The following RBFOX1 variants were observed in gnomAD, a reference collection of about 807,000 sequenced individuals.
RBFOX1 encodes the protein RNA binding protein fox-1 homolog 1.
Under a neutral mutation model 57.7 loss-of-function variants are expected in RBFOX1, and 8 were observed. The observed-to-expected ratio is 0.14, with a 90% confidence interval of 0.08 to 0.25. RBFOX1 has a LOEUF of 0.25. Among genes scored for constraint, RBFOX1 ranks in the 10% least tolerant of loss-of-function variants. RBFOX1 has a pLI of 1.00. For missense variants in RBFOX1, 611 were observed against 548.5 expected (o/e 1.11, Z -1.14); for synonymous variants, 326 against 222.4 (o/e 1.47, Z -4.15).
chr16:5,284,756 A>AATTTTT (rs1303967371), intron 1 of RBFOX1, among the ~76,000 whole-genome samples: 1 of 61,032 alleles, frequency 1.6e-5, no homozygotes, highest in Non-Finnish European at 3.0e-5. Flanking sequence ...TTTGGCTTAG[A>AATTTTT]TTTTTTTTTT....
chr16:7,336,142 G>A (rs572007566), intron 4 of RBFOX1, among the ~76,000 whole-genome samples: 1 of 152,282 alleles, frequency 6.6e-6, no homozygotes, highest in Non-Finnish European at 1.5e-5. Flanking sequence ...GGTAACACAG[G>A]AGCCTCAGTC....
At chr16:6,494,057 C>G (rs1353842450) in intron 2 of RBFOX1, among the ~76,000 whole-genome samples, 2 of 151,586 alleles carry the variant, frequency 1.3e-5, no homozygotes, top group Non-Finnish European at 2.9e-5. Flanking sequence ...TGGCAATGTT[C>G]TTAATTGAAA....
At chr16:5,915,725 C>T (rs1026792084) in intron 4 of RBFOX1, among the ~76,000 whole-genome samples, 27 of 152,018 alleles carry the variant, frequency 1.8e-4, no homozygotes, top group African/African-American at 6.0e-4. Context: ...TCAGCTACTC[C>T]GGAGGCTGAG....
At chr16:5,245,592 G>T (rs1478975080) in intron 1 of RBFOX1, among the ~76,000 whole-genome samples, 1 of 152,136 alleles carries the variant, frequency 6.6e-6, no homozygotes, top group Admixed American at 6.5e-5. Context: ...ATGCAGATGC[G>T]CACCACCATG....
intron 3 of RBFOX1, among the ~76,000 whole-genome samples, chr16:6,660,183 C>T (rs564889830): frequency 4.0e-5 from 6 of 150,798 alleles, no homozygotes; most frequent in African/African-American, 1.2e-4. Flanking sequence ...GAGATCTCGC[C>T]ATTGCCCTTC....
intron 2 of RBFOX1, among the ~76,000 whole-genome samples, chr16:5,552,826 T>C (rs1488824758): frequency 9.5e-6 from 1 of 105,204 alleles, no homozygotes; most frequent in Non-Finnish European, 2.0e-5. Flanking sequence ...TCGGAGCAGA[T>C]ACAGCCCTTG....
chr16:6,111,515 A>G (rs1174311262), intron 1 of RBFOX1, among the ~76,000 whole-genome samples: 2 of 152,190 alleles, frequency 1.3e-5, no homozygotes, highest in Non-Finnish European at 2.9e-5. Flanking sequence ...TTAAAAGGAT[A>G]TTAAGTGTGT....
At chr16:7,413,793 T>C (rs2098453173) in intron 4 of RBFOX1, among the ~76,000 whole-genome samples, 1 of 152,184 alleles carries the variant, frequency 6.6e-6, no homozygotes, top group Admixed American at 6.5e-5. Context: ...TTTGTAGAGC[T>C]GGATCCCAGG....
At chr16:6,580,250 C>T (rs1460098066) in intron 2 of RBFOX1, among the ~76,000 whole-genome samples, 1 of 152,188 alleles carries the variant, frequency 6.6e-6, no homozygotes, top group Non-Finnish European at 1.5e-5. Flanking sequence ...AGCCACCATG[C>T]CCGGCCAGGC....
At chr16:6,307,738 TC>T (rs2079702808) in intron 1 of RBFOX1, among the ~76,000 whole-genome samples, 2 of 147,266 alleles carry the variant, frequency 1.4e-5, no homozygotes, top group Non-Finnish European at 1.5e-5. Flanking sequence ...GATAATTATT[TC>T]CATATTTTAT....
rs576123476 is a variant in RBFOX1 at position 6,509,322 on chromosome 16, G to T, written c.-63-145281G>T. Among the ~76,000 whole-genome samples, 213 of 152,174 alleles carry T rather than the reference G, an allele frequency of 1.4e-3. 4 individuals are homozygous for T. The South Asian group carries it at 0.04, about 29-fold the overall frequency. The stretch of plus-strand genomic sequence containing the variant: ...CAGATAAATTGGTAACGAAAATATG[G>T]TACATATACACAGTGGACTACTATT... On this transcript the variant is annotated intron_variant, in intron 2 of 15. Transcript: ENST00000550418.
chr16:6,198,363 C>T (rs1036499162), intron 1 of RBFOX1, among the ~76,000 whole-genome samples: 5 of 152,200 alleles, frequency 3.3e-5, no homozygotes, highest in East Asian at 3.8e-4. Flanking sequence ...CAGGAATGCT[C>T]TCTAAACATA....
At chr16:5,972,449 G>A (rs1218018826) in intron 4 of RBFOX1, among the ~76,000 whole-genome samples, 2 of 152,206 alleles carry the variant, frequency 1.3e-5, no homozygotes, top group African/African-American at 4.8e-5. Flanking sequence ...GTGCCTGAGA[G>A]TCCATCATTC....
At chr16:5,872,735 TA>T (rs989366944) in intron 4 of RBFOX1, among the ~76,000 whole-genome samples, 2 of 150,434 alleles carry the variant, frequency 1.3e-5, no homozygotes, top group Non-Finnish European at 3.0e-5. Context: ...GACCCTGTCT[TA>T]AAAAAAAAGA....
Position 6,827,108 on chromosome 16 carries a change from C to T in RBFOX1, c.-16+172458C>T, listed in dbSNP as rs372139881. Among the ~76,000 whole-genome samples the T allele has an allele frequency of 1.6e-4, 25 of 152,216 alleles. No individual in the cohort carries two copies. In the South Asian group the frequency reaches 5.2e-3, roughly 32 times the overall value. ...CATACTTACCGAGTCTCTTAGTGTC[C>T]TTTAATCTAACACCAGTGAATATAA... On this transcript the variant is annotated intron_variant, in intron 3 of 15. Coordinates refer to ENST00000550418, the MANE Select transcript of RBFOX1 (RefSeq NM_018723.4).
chr16:6,787,149 T>C (rs997346650), intron 3 of RBFOX1, among the ~76,000 whole-genome samples: 4 of 152,204 alleles, frequency 2.6e-5, no homozygotes, highest in African/African-American at 7.2e-5. Context: ...CCAAGAAACG[T>C]TGATGAAACA....
At chr16:7,367,653 G>T (rs1414553530) in intron 4 of RBFOX1, among the ~76,000 whole-genome samples, 3 of 152,098 alleles carry the variant, frequency 2.0e-5, no homozygotes, top group Non-Finnish European at 2.9e-5. Flanking sequence ...CAGTTCAATG[G>T]GAATAGTGGA....
chr16:7,508,451 C>T lies in RBFOX1; in HGVS notation c.28-9696C>T, dbSNP rs114074043. Among the ~76,000 whole-genome samples, 593 of 152,252 alleles carry T rather than the reference C, an allele frequency of 3.9e-3. 6 individuals carry two copies. Among genetic ancestry groups the T allele is most frequent in the African/African-American group, 0.014 (575 of 41,552 alleles). The stretch of plus-strand genomic sequence containing the variant: ...TATGGTTTGTGCGAATGGCTGCTGT[C>T]CTCGCATACTGAGCTGGAGTCTTGT... On this transcript the variant is annotated intron_variant, in intron 4 of 15. Coordinates refer to ENST00000550418, the MANE Select transcript of RBFOX1 (RefSeq NM_018723.4).
intron 4 of RBFOX1, among the ~76,000 whole-genome samples, chr16:7,296,776 A>G (rs1057269349): frequency 6.6e-6 from 1 of 152,166 alleles, no homozygotes. Flanking sequence ...ACTGAAATCC[A>G]CAATAGCTTT....
Sources: allele counts gnomAD v4.1 joint callset (sites outside exome capture counted in the v4.1 genomes callset), GRCh38; gene constraint gnomAD v4.1.1; transcripts MANE v1.5; gene names NCBI Gene and HGNC (gene_info 2026-07-23, HGNC 2026-07-21).